Variants in GADL1 observed in about 807,000 individuals in gnomAD.
GADL1 encodes the protein acidic amino acid decarboxylase GADL1.
GADL1 carries 71 observed loss-of-function variants against 69.5 expected under a neutral mutation model. The ratio of observed to expected loss-of-function variants is 1.02; its 90% confidence interval spans 0.84 to 1.25. The LOEUF (loss-of-function observed/expected upper bound fraction) is 1.25. GADL1 is among the 50% of genes most tolerant of loss of function. The pLI is 0.00. For synonymous variants in GADL1, 254 were observed against 214.4 expected, an observed-to-expected ratio of 1.18 and a Z score of -1.62; for missense variants, 737 against 631.8, an observed-to-expected ratio of 1.17 and a Z score of -1.79.
chr3:30,864,096 G>A (rs191213900), intron 1 of GADL1, among the ~76,000 whole-genome samples: 2 of 152,106 alleles, frequency 1.3e-5, no homozygotes, highest in East Asian at 1.9e-4. Context: ...CTAGAATTGA[G>A]CTTTTAGATG....
At chr3:30,810,553 G>A (rs1373308094) in intron 11 of GADL1, among the ~76,000 whole-genome samples, 1 of 152,034 alleles carries the variant, frequency 6.6e-6, no homozygotes, top group Non-Finnish European at 1.5e-5. Context: ...TGACGTTTTT[G>A]TGGTGGTTCA....
intron 11 of GADL1, among the ~76,000 whole-genome samples, chr3:30,813,312 ATATATT>A (rs1274351392): frequency 6.6e-6 from 1 of 152,184 alleles, no homozygotes; most frequent in African/African-American, 2.4e-5. Context: ...CCTGGAAAAA[ATATATT>A]TATTAACACA....
At chr3:30,877,605 T>C (rs1698594576) in intron 1 of GADL1, among the ~76,000 whole-genome samples, 1 of 151,734 alleles carries the variant, frequency 6.6e-6, no homozygotes. Flanking sequence ...ATCTGAAAAA[T>C]CAGATACATC....
intron 14 of GADL1, among the ~76,000 whole-genome samples, chr3:30,754,422 A>G (rs1266670986): frequency 6.6e-6 from 1 of 152,208 alleles, no homozygotes; most frequent in East Asian, 1.9e-4. Context: ...AAGCCTTAAA[A>G]GCATGAATCC....
intron 1 of GADL1, among the ~76,000 whole-genome samples, chr3:30,873,456 C>T (rs1395928743): frequency 6.6e-6 from 1 of 151,806 alleles, no homozygotes; most frequent in Non-Finnish European, 1.5e-5. Context: ...ATTCCAGATG[C>T]CATGTTAATA....
intron 1 of GADL1, among the ~76,000 whole-genome samples, chr3:30,865,483 C>T (rs1698388527): frequency 6.6e-6 from 1 of 151,876 alleles, no homozygotes; most frequent in African/African-American, 2.4e-5. Context: ...TTTAACCAAC[C>T]AGTGATAATG....
At chr3:30,859,138 C>T (rs1003592703) in intron 2 of GADL1, among the ~76,000 whole-genome samples, 5 of 151,582 alleles carry the variant, frequency 3.3e-5, no homozygotes, top group Non-Finnish European at 7.4e-5. Flanking sequence ...GGTGAAGAAA[C>T]GGAGGGAGGG....
intron 14 of GADL1, among the ~76,000 whole-genome samples, chr3:30,744,380 A>G (rs1695669646): frequency 6.6e-6 from 1 of 152,178 alleles, no homozygotes. Flanking sequence ...CATATAGATA[A>G]TATCAATCAA....
At chr3:30,853,102 A>G (rs915446031) in intron 4 of GADL1, among the ~76,000 whole-genome samples, 9 of 151,842 alleles carry the variant, frequency 5.9e-5, no homozygotes, top group African/African-American at 1.7e-4. Context: ...TTTTCCTTCT[A>G]TTCTCGCCAT....
intron 14 of GADL1, among the ~76,000 whole-genome samples, chr3:30,741,190 A>ATG (rs60283911): frequency 0.039 from 5,135 of 132,560 alleles, 254 homozygotes; most frequent in African/African-American, 0.1. Flanking sequence ...TTATATAATT[A>ATG]TGTGTGTGTG....
chr3:30,848,010 C>CT (rs1698084562), intron 6 of GADL1, among the ~76,000 whole-genome samples: 1 of 152,116 alleles, frequency 6.6e-6, no homozygotes, highest in South Asian at 2.1e-4. Flanking sequence ...AAAACCTGAG[C>CT]TGATAACCTG....
chr3:30,873,200 C>G (rs1485235496), intron 1 of GADL1, among the ~76,000 whole-genome samples: 1 of 151,870 alleles, frequency 6.6e-6, no homozygotes, highest in Non-Finnish European at 1.5e-5. Flanking sequence ...TATAATTGCA[C>G]TTATAAAATA....
intron 13 of GADL1, 86 bp from the exon 14 acceptor site, chr3:30,778,354 C>CT: frequency 1.2e-6 from 1 of 835,422 alleles, no homozygotes; most frequent in Non-Finnish European, 2.0e-6. Context: ...TAGCTAGTTT[C>CT]TTCAAGAGTT....
Position 30,788,024 on chromosome 3 carries a change from G to A in GADL1, c.1251-1618C>T, listed in dbSNP as rs138722841. Among the ~76,000 whole-genome samples, 33 of 152,192 alleles carry A rather than the reference G, an allele frequency of 2.2e-4. 1 individual carries two copies. Among genetic ancestry groups the A allele is most frequent in the African/African-American group, 6.7e-4 (28 of 41,520 alleles). On this transcript the variant is annotated intron_variant, in intron 12 of 14. Coordinates refer to ENST00000282538, the MANE Select transcript of GADL1 (RefSeq NM_207359.3). ...ACTAGTAATATGGGAATCCTTGAGCGATAACGTGAGCATACACATGGGCAC... is the reference window on the plus strand; with the variant it reads ...ACTAGTAATATGGGAATCCTTGAGCAATAACGTGAGCATACACATGGGCAC...
chr3:30,821,390 ATG>A (rs1697577510), intron 11 of GADL1, among the ~76,000 whole-genome samples: 4 of 152,046 alleles, frequency 2.6e-5, no homozygotes, highest in South Asian at 4.1e-4. Context: ...AACTGATATA[ATG>A]TGTGTCTTTT....
At position 30,766,863 on chromosome 3, in the gene GADL1, G is replaced by A. The variant is rs78199034; in HGVS notation, c.1392+11316C>T. ...ATGGGACAAGGGGGGAAACATGAGT[G>A]ACATATTGAGAGTTGGACTTTAGGA... is the stretch of plus-strand genomic sequence containing the variant. On this transcript the variant is annotated intron_variant, in intron 14 of 14. Transcript: ENST00000282538. Among the ~76,000 whole-genome samples, 329 of 152,266 alleles carry A rather than the reference G, an allele frequency of 2.2e-3. 1 individual carries two copies. The highest frequency in any genetic ancestry group is 0.018 in the East Asian group (93 of 5,182).
At chr3:30,763,627 ATAGTC>A (rs994040001) in intron 14 of GADL1, among the ~76,000 whole-genome samples, 3 of 152,166 alleles carry the variant, frequency 2.0e-5, no homozygotes, top group Non-Finnish European at 4.4e-5. Flanking sequence ...TTGCCCAACT[ATAGTC>A]TAAGAGGAAG....
intron 12 of GADL1, among the ~76,000 whole-genome samples, chr3:30,795,602 T>C (rs1697015370): frequency 6.6e-6 from 1 of 152,036 alleles, no homozygotes; most frequent in South Asian, 2.1e-4. Flanking sequence ...TTGAGAAAAA[T>C]ATTCTATCTT....
intron 4 of GADL1, 81 bp from the exon 5 acceptor site, chr3:30,851,022 C>G: frequency 2.5e-6 from 2 of 797,188 alleles, no homozygotes; most frequent in Non-Finnish European, 2.0e-6. Flanking sequence ...GCACAGAGTT[C>G]TATTAAACCA....
Sources: allele counts gnomAD v4.1 joint callset (sites outside exome capture counted in the v4.1 genomes callset), GRCh38; gene constraint gnomAD v4.1.1; transcripts MANE v1.5; gene names NCBI Gene and HGNC (gene_info 2026-07-23, HGNC 2026-07-21).